Variants in ZBED6 observed in about 807,000 individuals in gnomAD.
The protein encoded by ZBED6 is zinc finger BED domain-containing protein 6.
ZBED6 carries 40 observed loss-of-function variants against 58.4 expected under a neutral mutation model. That is an observed-to-expected ratio of 0.68 (90% confidence interval 0.53 to 0.89). The LOEUF is 0.89. Ranked by LOEUF, ZBED6 falls within the 40% of genes least tolerant of loss-of-function variation. The pLI, the probability that ZBED6 is intolerant of heterozygous loss-of-function variation, is 0.00. For missense variants in ZBED6, 1,057 were observed against 1,003.9 expected (o/e 1.05, Z -0.71); for synonymous variants, 439 against 350.6 (o/e 1.25, Z -2.82).
intron 7 of ZBED6, 89 bp from the exon 8 acceptor site, chr1:203,831,572 A>G: frequency 9.8e-7 from 1 of 1,018,162 alleles, no homozygotes; most frequent in Non-Finnish European, 1.5e-6. Context: ...TCTGTATTGG[A>G]CTTAACTGGT....
At chr1:203,847,963 C>A (rs1427896977) in intron 12 of ZBED6, among the ~76,000 whole-genome samples, 1 of 152,148 alleles carries the variant, frequency 6.6e-6, no homozygotes, top group East Asian at 1.9e-4. Context: ...TCAAGTGATT[C>A]TCCTGCCTCA....
At chr1:203,808,988 G>A (rs1409693469) in intron 1 of ZBED6, among the ~76,000 whole-genome samples, 1 of 151,402 alleles carries the variant, frequency 6.6e-6, no homozygotes, top group Non-Finnish European at 1.5e-5. Context: ...TCGCCACCAC[G>A]CCCAGCTAAT....
At chr1:203,824,783 GA>G (rs1176340094) in intron 3 of ZBED6, among the ~76,000 whole-genome samples, 1 of 152,064 alleles carries the variant, frequency 6.6e-6, no homozygotes. Flanking sequence ...GTCTTATAGA[GA>G]AAATAGATTG....
exon 1 of ZBED6, chr1:203,798,473 T>C (rs545060878): frequency 8.5e-5 from 130 of 1,536,138 alleles, no homozygotes; most frequent in Non-Finnish European, 1.1e-4. Flanking sequence ...ATCCTATCCA[T>C]TGGGCTGTTG....
At chr1:203,849,734 T>C in exon 14 of ZBED6, 1 of 1,613,902 alleles carries the variant, frequency 6.2e-7, no homozygotes. Context: ...CCACAGGAGT[T>C]GACATCACTA....
At chr1:203,844,320 C>T (rs959840914) in intron 11 of ZBED6, among the ~76,000 whole-genome samples, 5 of 152,168 alleles carry the variant, frequency 3.3e-5, no homozygotes, top group Non-Finnish European at 7.4e-5. Context: ...TGCAATCACG[C>T]CTGGCTAACT....
In ZBED6 at chr1:203,840,290, ATCTT is replaced by A. The variant is rs780965927; in HGVS notation, c.*3673-10_*3673-7del. 3 of 1,611,312 alleles carry A rather than the reference ATCTT, an allele frequency of 1.9e-6. No homozygotes were observed. Among genetic ancestry groups the A allele is most frequent in the South Asian group, 1.1e-5 (1 of 90,740 alleles). On this transcript the variant is annotated splice_polypyrimidine_tract_variant and intron_variant, in intron 10 of 16. Coordinates refer to ENST00000550078, the Ensembl canonical transcript of ZBED6. ...TCTGTTCAACTTTTGATTTTTGAAAATCTTTCTTTTCACAGCTCAAGTTTCCAAG... is the reference window on the plus strand; with the variant it reads ...TCTGTTCAACTTTTGATTTTTGAAAATCTTTTCACAGCTCAAGTTTCCAAG...
At chr1:203,798,890 T>A (rs1057126321) in exon 1 of ZBED6, 1 of 1,536,048 alleles carries the variant, frequency 6.5e-7, no homozygotes, top group African/African-American at 1.4e-5. Context: ...TCACTAAGGC[T>A]GTACCTCAGT....
exon 1 of ZBED6, chr1:203,799,913 A>C: frequency 6.5e-7 from 1 of 1,536,132 alleles, no homozygotes; most frequent in South Asian, 1.2e-5. Context: ...TCCTTGCAGA[A>C]GAGGTCTGTA....
At position 203,829,775 on chromosome 1, in the gene ZBED6, T is replaced by A. The variant is rs141590568; in HGVS notation, c.*3202-5T>A. The stretch of plus-strand genomic sequence containing the variant: ...TGTGAATTTGCCTTAAATGTTGATA[T>A]ATAGATCAGTTTTCTGAGGAAGGTG... On this transcript the variant is annotated splice_region_variant and splice_polypyrimidine_tract_variant and intron_variant, in intron 5 of 16. Transcript: ENST00000550078. 7 of 1,613,734 alleles carry A rather than the reference T, an allele frequency of 4.3e-6. No individual in the cohort carries two copies. The African/African-American group carries it at 9.3e-5, about 22-fold the overall frequency.
chr1:203,810,423 GTT>G (rs765335556), intron 1 of ZBED6, among the ~76,000 whole-genome samples: 3 of 138,788 alleles, frequency 2.2e-5, no homozygotes, highest in Admixed American at 7.1e-5. Flanking sequence ...TAGCTGTTAG[GTT>G]TTTTTTTTTT....
intron 2 of ZBED6, among the ~76,000 whole-genome samples, chr1:203,817,576 T>G (rs1676776961): frequency 6.6e-6 from 1 of 152,020 alleles, no homozygotes; most frequent in Non-Finnish European, 1.5e-5. Context: ...GAATATAGAG[T>G]CATCATACTA....
At chr1:203,821,094 G>A (rs942688001) in intron 3 of ZBED6, among the ~76,000 whole-genome samples, 1 of 152,142 alleles carries the variant, frequency 6.6e-6, no homozygotes, top group African/African-American at 2.4e-5. Flanking sequence ...CCTGATGGGA[G>A]GTGATTGGAT....
At chr1:203,804,527 C>T (rs1232954788) in intron 1 of ZBED6, among the ~76,000 whole-genome samples, 2 of 152,016 alleles carry the variant, frequency 1.3e-5, no homozygotes, top group Non-Finnish European at 2.9e-5. Flanking sequence ...CTGCCATCAT[C>T]TGAATGATTA....
chr1:203,798,007 A>C (rs1484946366), exon 1 of ZBED6: 2 of 1,534,136 alleles, frequency 1.3e-6, no homozygotes, highest in African/African-American at 1.4e-5. Flanking sequence ...AGCAGGGGTA[A>C]ACCAGGTAGC....
chr1:203,841,428 C>T (rs1248135455), intron 11 of ZBED6, among the ~76,000 whole-genome samples: 3 of 152,076 alleles, frequency 2.0e-5, no homozygotes, highest in African/African-American at 7.2e-5. Flanking sequence ...TCAATTTAAC[C>T]CTGTGTGGAC....
At chr1:203,806,608 C>T (rs1298960226) in intron 1 of ZBED6, among the ~76,000 whole-genome samples, 1 of 152,054 alleles carries the variant, frequency 6.6e-6, no homozygotes, top group Non-Finnish European at 1.5e-5. Context: ...CGGCCTAACA[C>T]CTTTTTTTCT....
At chr1:203,834,894 T>G (rs1025636846) in intron 9 of ZBED6, among the ~76,000 whole-genome samples, 1 of 152,254 alleles carries the variant, frequency 6.6e-6, no homozygotes, top group Admixed American at 6.5e-5. Flanking sequence ...TCCACCCGCC[T>G]CTGCCTCCCA....
At chr1:203,844,565 A>T (rs1237597941) in intron 11 of ZBED6, among the ~76,000 whole-genome samples, 1 of 152,078 alleles carries the variant, frequency 6.6e-6, no homozygotes, top group Admixed American at 6.6e-5. Context: ...ATTTTGGTTT[A>T]TCTTAAATAT....
Sources: gnomAD v4.1 joint callset for allele counts (sites outside exome capture counted in the v4.1 genomes callset) on GRCh38, gnomAD v4.1.1 for gene constraint, MANE v1.5 for transcripts, NCBI Gene and HGNC (gene_info 2026-07-23, HGNC 2026-07-21) for gene names.